The following CDH12 variants were observed in gnomAD, a reference collection of about 807,000 sequenced individuals.
CDH12 encodes cadherin 12.
CDH12 carries 41 observed loss-of-function variants against 74.1 expected under a neutral mutation model. That is an observed-to-expected ratio of 0.55 (90% CI 0.43 to 0.72). The LOEUF is 0.72. Ranked by LOEUF, CDH12 falls within the 30% of genes least tolerant of loss-of-function variation. CDH12 has a pLI of 0.00. For missense variants in CDH12, 945 were observed against 977.2 expected (o/e 0.97, Z 0.44); for synonymous variants, 399 against 355.0 (o/e 1.12, Z -1.39).
intron 3 of CDH12, among the ~76,000 whole-genome samples, chr5:22,267,913 T>C (rs1172415851): frequency 2.6e-5 from 4 of 152,170 alleles, no homozygotes; most frequent in African/African-American, 4.8e-5. Context: ...ACAAGACTCC[T>C]TACTTCACTT....
chr5:22,095,633 C>A (rs1484748764), intron 4 of CDH12, among the ~76,000 whole-genome samples: 2 of 151,774 alleles, frequency 1.3e-5, no homozygotes, highest in African/African-American at 2.4e-5. Flanking sequence ...CCCTTAGTGG[C>A]AAGTACTGCT....
rs547646588 is a variant in CDH12 at position 22,850,639 on chromosome 5, T to A, written c.-523+2419A>T. Among the ~76,000 whole-genome samples, 37 of 152,230 alleles carry A rather than the reference T, an allele frequency of 2.4e-4. No homozygotes were observed. In the East Asian group the frequency reaches 6.6e-3, roughly 27 times the overall value. On this transcript the variant is annotated intron_variant, in intron 1 of 14. Transcript: ENST00000382254. ...AATGATCACATGATAATTTCTGACATAATTACTTTTAAAACAGCAATAATT... is the reference window on the plus strand; with the variant it reads ...AATGATCACATGATAATTTCTGACAAAATTACTTTTAAAACAGCAATAATT...
In CDH12 at chr5:22,044,639, C is replaced by T. The variant is rs188560772; in HGVS notation, c.231+33807G>A. ...CAAAGTATATCAGAGAAGAATAGCA[C>T]GCATAGAAACAAATCCACATATGTA... On this transcript the variant is annotated intron_variant, in intron 5 of 14. Transcript: ENST00000382254. Among the ~76,000 whole-genome samples the T allele has an allele frequency of 5.9e-5, 9 of 152,228 alleles. No individual in the cohort carries two copies. The South Asian group carries it at 6.2e-4, about 11-fold the overall frequency.
intron 3 of CDH12, among the ~76,000 whole-genome samples, chr5:22,292,835 T>C (rs1211751066): frequency 6.6e-6 from 1 of 152,176 alleles, no homozygotes; most frequent in East Asian, 1.9e-4. Flanking sequence ...GAAAACAGTA[T>C]GAAGTTTCCT....
intron 1 of CDH12, among the ~76,000 whole-genome samples, chr5:22,781,918 T>C (rs1219733328): frequency 6.6e-6 from 1 of 152,178 alleles, no homozygotes; most frequent in Non-Finnish European, 1.5e-5. Context: ...AAGATCACTT[T>C]GGAACTTTAA....
At chr5:22,156,929 T>C (rs1748054262) in intron 4 of CDH12, among the ~76,000 whole-genome samples, 2 of 152,184 alleles carry the variant, frequency 1.3e-5, no homozygotes, top group Non-Finnish European at 2.9e-5. Context: ...CCTCTGCTCT[T>C]TTTGTTTTCT....
intron 3 of CDH12, among the ~76,000 whole-genome samples, chr5:22,399,319 A>G (rs1742610660): frequency 6.6e-6 from 1 of 152,142 alleles, no homozygotes; most frequent in African/African-American, 2.4e-5. Flanking sequence ...GATATGACAC[A>G]AAGCAAACAT....
At chr5:22,503,464 ACTCT>A (rs1330883446) in intron 2 of CDH12, among the ~76,000 whole-genome samples, 1 of 151,838 alleles carries the variant, frequency 6.6e-6, no homozygotes, top group African/African-American at 2.4e-5. Context: ...CTTGATTATC[ACTCT>A]CTATTTTGTT....
intron 2 of CDH12, among the ~76,000 whole-genome samples, chr5:22,434,653 T>A (rs1744307166): frequency 6.6e-6 from 1 of 152,196 alleles, no homozygotes; most frequent in South Asian, 2.1e-4. Context: ...TCTTGCAGAC[T>A]TTTATATAAC....
intron 1 of CDH12, among the ~76,000 whole-genome samples, chr5:22,708,953 G>A (rs969057118): frequency 6.6e-6 from 1 of 152,130 alleles, no homozygotes; most frequent in Non-Finnish European, 1.5e-5. Flanking sequence ...TCAGAACAAG[G>A]GGCTTGCACT....
chr5:21,936,800 G>A (rs1222749963), intron 6 of CDH12, among the ~76,000 whole-genome samples: 1 of 152,120 alleles, frequency 6.6e-6, no homozygotes, highest in Middle Eastern at 3.4e-3. Context: ...GATAGTGAGG[G>A]GGTTCTCAGG....
At chr5:22,280,639 C>T (rs1040308024) in intron 3 of CDH12, among the ~76,000 whole-genome samples, 4 of 152,152 alleles carry the variant, frequency 2.6e-5, no homozygotes, top group African/African-American at 7.2e-5. Flanking sequence ...TTGATAAATT[C>T]CTCGACACAT....
At chr5:22,124,999 G>A (rs1745761430) in intron 4 of CDH12, among the ~76,000 whole-genome samples, 1 of 152,208 alleles carries the variant, frequency 6.6e-6, no homozygotes. Flanking sequence ...TTCAGAGGAT[G>A]TCTGTTCCTG....
intron 7 of CDH12, 75 bp downstream of exon 7, chr5:21,854,596 C>A (rs932597989): frequency 1.1e-5 from 14 of 1,252,060 alleles, no homozygotes; most frequent in Middle Eastern, 2.2e-4. Flanking sequence ...ATATGCAACT[C>A]CCCATGCCAA....
At chr5:21,978,594 C>T (rs1468767852) in intron 5 of CDH12, among the ~76,000 whole-genome samples, 2 of 151,894 alleles carry the variant, frequency 1.3e-5, no homozygotes, top group African/African-American at 4.8e-5. Context: ...ATAAATGAGT[C>T]AAGATTTTTA....
chr5:22,175,032 T>G (rs1749252076), intron 4 of CDH12, among the ~76,000 whole-genome samples: 1 of 151,966 alleles, frequency 6.6e-6, no homozygotes, highest in Non-Finnish European at 1.5e-5. Context: ...AATTAATATT[T>G]TAAAATAAAT....
chr5:22,230,593 C>T (rs1195691583), intron 3 of CDH12, among the ~76,000 whole-genome samples: 1 of 151,614 alleles, frequency 6.6e-6, no homozygotes, highest in Non-Finnish European at 1.5e-5. Flanking sequence ...GCCCCAGCCT[C>T]CCGAGTAGTT....
At chr5:21,861,003 T>A (rs1029257872) in intron 6 of CDH12, among the ~76,000 whole-genome samples, 1 of 152,042 alleles carries the variant, frequency 6.6e-6, no homozygotes, top group Admixed American at 6.6e-5. Flanking sequence ...TTCTACTCAC[T>A]GCTTCTGTGA....
intron 1 of CDH12, among the ~76,000 whole-genome samples, chr5:22,614,625 T>C (rs985472532): frequency 4.6e-5 from 7 of 151,842 alleles, no homozygotes; most frequent in African/African-American, 1.7e-4. Context: ...TGAAAAGGAG[T>C]TGACATAGAT....
Sources: allele counts gnomAD v4.1 joint callset (sites outside exome capture counted in the v4.1 genomes callset), GRCh38; gene constraint gnomAD v4.1.1; transcripts MANE v1.5; gene names NCBI Gene and HGNC (gene_info 2026-07-23, HGNC 2026-07-21).